Variants in KIAA1217 observed in about 807,000 individuals in gnomAD.
KIAA1217 encodes sickle tail protein homolog.
In KIAA1217, 88 loss-of-function variants were observed where a neutral mutation model predicts 163.9. The observed-to-expected ratio is 0.54, with a 90% CI of 0.45 to 0.64. The LOEUF (loss-of-function observed/expected upper bound fraction) is 0.64. KIAA1217 is among the 30% of genes least tolerant of loss of function. The probability of loss-of-function intolerance (pLI) is 0.00; values close to 1 mark genes in which losing one functional copy is unlikely to be tolerated. For missense variants in KIAA1217, 2,372 were observed against 2,475.0 expected (o/e 0.96, Z 0.88); for synonymous variants, 903 against 923.1 (o/e 0.98, Z 0.39).
intron 2 of KIAA1217, among the ~76,000 whole-genome samples, chr10:24,341,869 A>G: frequency 6.7e-6 from 1 of 149,628 alleles, no homozygotes; most frequent in African/African-American, 2.5e-5. Context: ...GAACTCTGGA[A>G]AAAAAAAAAA....
chr10:24,071,349 A>T (rs1397222643), intron 2 of KIAA1217, among the ~76,000 whole-genome samples: 1 of 152,208 alleles, frequency 6.6e-6, no homozygotes, highest in Non-Finnish European at 1.5e-5. Context: ...TTACGACTTT[A>T]TCCAGCTGAA....
At chr10:24,175,159 G>T (rs1589775347) in intron 2 of KIAA1217, among the ~76,000 whole-genome samples, 1 of 152,160 alleles carries the variant, frequency 6.6e-6, no homozygotes, top group East Asian at 1.9e-4. Flanking sequence ...ACCGCACCCA[G>T]CCCAATGTGT....
intron 1 of KIAA1217, among the ~76,000 whole-genome samples, chr10:23,953,723 C>T (rs898005750): frequency 6.6e-6 from 1 of 152,200 alleles, no homozygotes; most frequent in African/African-American, 2.4e-5. Flanking sequence ...GTACATCCAA[C>T]ATGTAGCATA....
intron 2 of KIAA1217, among the ~76,000 whole-genome samples, chr10:24,343,470 G>T (rs1214916744): frequency 1.3e-5 from 2 of 152,088 alleles, no homozygotes; most frequent in Non-Finnish European, 2.9e-5. Context: ...TGAGGTTTTT[G>T]GGGGGTATTT....
At chr10:24,132,860 C>T (rs1366038409) in intron 2 of KIAA1217, among the ~76,000 whole-genome samples, 1 of 152,104 alleles carries the variant, frequency 6.6e-6, no homozygotes, top group Non-Finnish European at 1.5e-5. Context: ...TTCAACAGTA[C>T]CATTTTGAGA....
intron 1 of KIAA1217, among the ~76,000 whole-genome samples, chr10:23,809,843 A>G (rs902401291): frequency 2.6e-5 from 4 of 152,088 alleles, no homozygotes; most frequent in African/African-American, 9.6e-5. Context: ...GCATATGCAG[A>G]TGGTCTCTGA....
chr10:24,139,714 T>A (rs978126350), intron 2 of KIAA1217, among the ~76,000 whole-genome samples: 7 of 152,196 alleles, frequency 4.6e-5, no homozygotes, highest in African/African-American at 1.7e-4. Context: ...TATAGGTTTA[T>A]TATGAAGATC....
rs1589921342 is a variant in KIAA1217, at chr10:24,209,796, T to C, written c.70+533T>C. Among the ~76,000 whole-genome samples, 4 of 152,252 alleles carry C rather than the reference T, an allele frequency of 2.6e-5. No individual in the cohort carries two copies. The East Asian group carries it at 7.7e-4, about 29-fold the overall frequency. The stretch of plus-strand genomic sequence containing the variant: ...AGGGCTTGAGCATCTGGGTGATAGA[T>C]AGAACTCTGGATCTTCTTTTATGTT... On this transcript the variant is annotated intron_variant, in intron 1 of 20. Transcript: ENST00000376454.
At chr10:24,448,643 T>C (rs1328980854) in intron 5 of KIAA1217, among the ~76,000 whole-genome samples, 3 of 152,220 alleles carry the variant, frequency 2.0e-5, no homozygotes, top group Admixed American at 6.5e-5. Context: ...CCTCCATGCC[T>C]TCCAAAGTGC....
intron 1 of KIAA1217, among the ~76,000 whole-genome samples, chr10:23,838,009 T>A (rs1838574656): frequency 6.6e-6 from 1 of 152,168 alleles, no homozygotes; most frequent in Non-Finnish European, 1.5e-5. Flanking sequence ...AACCCTCTTG[T>A]CCTTTTGTCT....
intron 2 of KIAA1217, among the ~76,000 whole-genome samples, chr10:24,076,771 G>A (rs2131642143): frequency 6.6e-6 from 1 of 152,068 alleles, no homozygotes; most frequent in African/African-American, 2.4e-5. Flanking sequence ...TAGAAAAACA[G>A]GTACAGATGC....
Position 24,365,712 on chromosome 10 carries a change from A to T in KIAA1217, c.355-15157A>T, listed in dbSNP as rs151284469. On this transcript the variant is annotated intron_variant, in intron 2 of 20. Transcript: ENST00000376454. ...TTCAAGTTCTTTTATTTATTTATTT[A>T]TTTTTTTAACCCCTATGTGCATCTT... Among the ~76,000 whole-genome samples, 59 of 151,816 alleles carry T rather than the reference A, an allele frequency of 3.9e-4. No homozygotes were observed. The East Asian group carries it at 6.2e-3, about 16-fold the overall frequency.
chr10:24,171,336 A>G (rs1162281178), intron 2 of KIAA1217, among the ~76,000 whole-genome samples: 3 of 152,242 alleles, frequency 2.0e-5, no homozygotes, highest in Non-Finnish European at 4.4e-5. Flanking sequence ...GGAATATAGC[A>G]TGGCTAGAAG....
intron 2 of KIAA1217, among the ~76,000 whole-genome samples, chr10:24,045,390 G>A (rs981737189): frequency 5.3e-5 from 8 of 151,878 alleles, no homozygotes; most frequent in East Asian, 1.9e-4. Context: ...AATGGCCTTC[G>A]GTTCTGAGTA....
intron 2 of KIAA1217, among the ~76,000 whole-genome samples, chr10:24,031,724 C>T (rs1343706608): frequency 6.6e-6 from 1 of 152,090 alleles, no homozygotes; most frequent in Non-Finnish European, 1.5e-5. Flanking sequence ...AATTCTTTAT[C>T]ACTTATGTGT....
chr10:24,345,111 C>T (rs968852699), intron 2 of KIAA1217, among the ~76,000 whole-genome samples: 2 of 152,130 alleles, frequency 1.3e-5, no homozygotes, highest in African/African-American at 2.4e-5. Flanking sequence ...TATGAAAAAG[C>T]TTTTTTCAAT....
chr10:24,077,990 C>G (rs2061422149), intron 2 of KIAA1217, among the ~76,000 whole-genome samples: 2 of 152,168 alleles, frequency 1.3e-5, no homozygotes, highest in South Asian at 4.1e-4. Flanking sequence ...TAAATGTCTT[C>G]TTTTGAGAAA....
At position 24,055,131 on chromosome 10, in the gene KIAA1217, G is replaced by C. The variant is rs568310502; in HGVS notation, c.-171+47757G>C. On this transcript the variant is annotated intron_variant, in intron 2 of 18. Coordinates refer to the KIAA1217 transcript ENST00000376462. The stretch of plus-strand genomic sequence containing the variant: ...AAAAGAAAAAAAATTGCCAGGCATG[G>C]TGGCATGCACCTGTACTTTCAGCTA... Among the ~76,000 whole-genome samples, 70 of 152,240 alleles carry C rather than the reference G, an allele frequency of 4.6e-4. No individual in the cohort carries two copies. The South Asian group carries it at 0.014, about 31-fold the overall frequency.
chr10:24,231,432 G>A (rs1350410823), intron 2 of KIAA1217, among the ~76,000 whole-genome samples: 1 of 152,172 alleles, frequency 6.6e-6, no homozygotes, highest in Non-Finnish European at 1.5e-5. Context: ...AAGGAGTATG[G>A]TGTCATAACA....
Sources: allele counts gnomAD v4.1 joint callset (sites outside exome capture counted in the v4.1 genomes callset), GRCh38; gene constraint gnomAD v4.1.1; transcripts MANE v1.5; gene names NCBI Gene and HGNC (gene_info 2026-07-23, HGNC 2026-07-21).